The following TGFBR1 variants were observed in gnomAD, a reference collection of about 807,000 sequenced individuals.
TGFBR1 encodes the protein transforming growth factor beta receptor 1.
Under a neutral mutation model 55.1 loss-of-function variants are expected in TGFBR1, and 20 were observed. The observed-to-expected ratio is 0.36, with a 90% CI of 0.26 to 0.53. TGFBR1 has a LOEUF of 0.53. TGFBR1 is among the 20% of genes least tolerant of loss of function. The pLI, the probability that TGFBR1 is intolerant of heterozygous loss-of-function variation, is 0.91. For synonymous variants in TGFBR1, 220 were observed against 214.8 expected, an observed-to-expected ratio of 1.02 and a Z score of -0.21; for missense variants, 385 against 617.6, an observed-to-expected ratio of 0.62 and a Z score of 3.99.
At chr9:99,130,999 A>G (rs1456626340) in intron 2 of TGFBR1, among the ~76,000 whole-genome samples, 1 of 152,222 alleles carries the variant, frequency 6.6e-6, no homozygotes, top group African/African-American at 2.4e-5. Flanking sequence ...TGGTGAGCAT[A>G]TTAAGAGATA....
chr9:99,142,470 T>A lies in TGFBR1; in HGVS notation c.806-66T>A. On this transcript the variant is annotated intron_variant, in intron 4 of 8. Transcript: ENST00000374994. Reference sequence around the variant, plus strand: ...ACTCAGGATTGAGAGTAAAAAGTAATAACCATTGAACAAATAAATCATAAA... The same window carrying A: ...ACTCAGGATTGAGAGTAAAAAGTAAAAACCATTGAACAAATAAATCATAAA... 2.5e-6 allele frequency: 4 copies of A among 1,573,284 alleles called. No homozygotes were observed. In the South Asian group the frequency reaches 3.3e-5, roughly 13 times the overall value.
rs1344852995 is a variant in TGFBR1 at position 99,149,926 on chromosome 9, A to G, written c.*621A>G. 1 of 196,724 alleles carries G rather than the reference A, an allele frequency of 5.1e-6. No homozygotes were observed. Among genetic ancestry groups the G allele is most frequent in the East Asian group, 8.0e-5 (1 of 12,538 alleles). The allele number at this position is 196,724 out of a possible 1,614,324, so 12.2% of individuals were successfully genotyped here. On this transcript the variant is annotated 3_prime_UTR_variant, in exon 9 of 9. Coordinates refer to ENST00000374994, the MANE Select transcript of TGFBR1 (RefSeq NM_004612.4). ...CTTATTCAGAACATTACATGCCTTCAAAATGGGATTGTACTATACCAGTAA... is the reference window on the plus strand; with the variant it reads ...CTTATTCAGAACATTACATGCCTTCGAAATGGGATTGTACTATACCAGTAA...
At chr9:99,131,040 T>C (rs889721444) in intron 2 of TGFBR1, among the ~76,000 whole-genome samples, 1 of 152,162 alleles carries the variant, frequency 6.6e-6, no homozygotes, top group African/African-American at 2.4e-5. Flanking sequence ...TCCAATATGC[T>C]TATTATCAGA....
chr9:99,142,716 G>A lies in TGFBR1; in HGVS notation c.973+13G>A. ...GTTGGTACCCAAGGTAATTCTATAA[G>A]CAGTTCTATTATTTAAGCTTTAAAT... On this transcript the variant is annotated intron_variant, in intron 5 of 8. Coordinates refer to ENST00000374994, the MANE Select transcript of TGFBR1 (RefSeq NM_004612.4). The A allele has an allele frequency of 6.2e-7, 1 of 1,613,726 alleles. No homozygotes were observed. The highest frequency in any genetic ancestry group is 8.5e-7 in the Non-Finnish European group (1 of 1,179,668).
At chr9:99,142,732 A>C (rs202190860) in intron 5 of TGFBR1, 29 bp downstream of exon 5, 3 of 1,612,420 alleles carry the variant, frequency 1.9e-6, no homozygotes. Flanking sequence ...CTATTATTTA[A>C]GCTTTAAATT....
At position 99,146,882 on chromosome 9, in the gene TGFBR1, T is replaced by G. The variant is rs571433563; in HGVS notation, c.1255+273T>G. Reference sequence around the variant, plus strand: ...ACCCCTTGTTATATTGGAATATAGTTCTTTAGAATGGACAGCTGCTTGAGA... The same window carrying G: ...ACCCCTTGTTATATTGGAATATAGTGCTTTAGAATGGACAGCTGCTTGAGA... On this transcript the variant is annotated intron_variant, in intron 7 of 8. Coordinates refer to ENST00000374994, the MANE Select transcript of TGFBR1 (RefSeq NM_004612.4). 7.9e-5 allele frequency among the ~76,000 whole-genome samples: 12 copies of G among 152,328 alleles called. No homozygotes were observed. The South Asian group carries it at 1.0e-3, about 13-fold the overall frequency.
rs1827482041 is a variant in TGFBR1, at chr9:99,137,820, T to C, written c.575-39T>C. 3.3e-6 allele frequency: 5 copies of C among 1,527,350 alleles called. No individual in the cohort carries two copies. In the African/African-American group the frequency reaches 6.8e-5, roughly 21 times the overall value. The allele number at this position is 1,527,350 out of a possible 1,614,324, so 94.6% of individuals were successfully genotyped here. A position where few individuals can be genotyped will look rare whatever the true frequency, so the allele number is the denominator to read the frequency against. Reference sequence around the variant, plus strand: ...ATCATGATGTTTGAAACATGTAATATTGTTGATTGTGTTGAGTACTATTTA... The same window carrying C: ...ATCATGATGTTTGAAACATGTAATACTGTTGATTGTGTTGAGTACTATTTA... On this transcript the variant is annotated intron_variant, in intron 3 of 8. Transcript: ENST00000374994.
rs542813842 is a variant in TGFBR1 at position 99,140,189 on chromosome 9, G to A, written c.805+2100G>A. 3.3e-3 allele frequency among the ~76,000 whole-genome samples: 505 copies of A among 152,252 alleles called. 1 individual carries two copies. The highest frequency in any genetic ancestry group is 0.011 in the African/African-American group (471 of 41,540). On this transcript the variant is annotated intron_variant, in intron 4 of 8. Transcript: ENST00000374994. ...AAACAGGCCGGGCACAGTGGCTCAC[G>A]CCTGTAATCCCAGCACTTTGGGAAG...
chr9:99,111,061 G>C (rs1826553657), intron 1 of TGFBR1, among the ~76,000 whole-genome samples: 1 of 152,152 alleles, frequency 6.6e-6, no homozygotes, highest in Admixed American at 6.5e-5. Flanking sequence ...TGCAACTGCA[G>C]GCCATTCAGA....
intron 1 of TGFBR1, among the ~76,000 whole-genome samples, chr9:99,111,668 C>A (rs1320455344): frequency 6.6e-6 from 1 of 152,074 alleles, no homozygotes; most frequent in African/African-American, 2.4e-5. Flanking sequence ...ACAAACCATT[C>A]TTTAATCATT....
chr9:99,111,467 A>C (rs920199252), intron 1 of TGFBR1, among the ~76,000 whole-genome samples: 2 of 152,048 alleles, frequency 1.3e-5, no homozygotes, highest in Admixed American at 6.5e-5. Context: ...TCTCTACTAA[A>C]AATAACAAAA....
At chr9:99,118,649 T>G (rs12057076) in intron 1 of TGFBR1, among the ~76,000 whole-genome samples, 1 of 147,020 alleles carries the variant, frequency 6.8e-6, no homozygotes, top group Admixed American at 6.7e-5. Flanking sequence ...CTTTCTTTTT[T>G]TTTTTTTTTT....
In TGFBR1 at chr9:99,105,125, G is replaced by C. The variant is rs1241202507; in HGVS notation, c.-81G>C. ...GCGAGGCCGCCGCGGCGGCTAGGGA[G>C]GTGGGGCGAGGCGAGGTTTGCTGGG... is the stretch of plus-strand genomic sequence containing the variant. On this transcript the variant is annotated 5_prime_UTR_variant, in exon 1 of 9. Transcript: ENST00000374994. The C allele has an allele frequency of 1.9e-6, 2 of 1,033,556 alleles. No homozygotes were observed. The highest frequency in any genetic ancestry group is 5.5e-5 in the East Asian group (1 of 18,202). 64.0% of individuals were successfully genotyped at this position (1,033,556 alleles called of 1,614,324 possible).
At position 99,150,484 on chromosome 9, in the gene TGFBR1, A is replaced by G. The variant is rs193056376; in HGVS notation, c.*1179A>G. On this transcript the variant is annotated 3_prime_UTR_variant, in exon 9 of 9. Coordinates refer to ENST00000374994, the MANE Select transcript of TGFBR1 (RefSeq NM_004612.4). ...TTAAATAATAGGCCTTTTTCTAGGA[A>G]GGCGAAGGTAGTTAATAATTTGAAT... 1.4e-5 allele frequency: 3 copies of G among 214,006 alleles called. 1 individual carries two copies. The Admixed American group carries it at 1.7e-4, about 12-fold the overall frequency. 13.3% of individuals were successfully genotyped at this position (214,006 alleles called of 1,614,324 possible). A position where few individuals can be genotyped will look rare whatever the true frequency, so the allele number is the denominator to read the frequency against.
At chr9:99,137,586 G>A (rs1434489373) in intron 3 of TGFBR1, among the ~76,000 whole-genome samples, 10 of 152,040 alleles carry the variant, frequency 6.6e-5, no homozygotes, top group East Asian at 1.9e-4. Context: ...CCTAACCACC[G>A]TACTTAAGGG....
upstream of TGFBR1, among the ~76,000 whole-genome samples, chr9:99,104,363 T>A (rs932036084): frequency 1.4e-4 from 22 of 152,210 alleles, no homozygotes; most frequent in East Asian, 3.5e-3. Flanking sequence ...TGGATCCCCA[T>A]CCTGGATCTG....
At chr9:99,145,519 C>A (rs1288756253) in intron 6 of TGFBR1, among the ~76,000 whole-genome samples, 1 of 152,158 alleles carries the variant, frequency 6.6e-6, no homozygotes, top group East Asian at 1.9e-4. Flanking sequence ...TGAGAGCAGC[C>A]TTGTATTCCC....
chr9:99,121,925 A>G (rs1301629503), intron 1 of TGFBR1, among the ~76,000 whole-genome samples: 2 of 152,160 alleles, frequency 1.3e-5, no homozygotes, highest in African/African-American at 2.4e-5. Context: ...GAGCACAGGT[A>G]AAAGGCCAAG....
At position 99,150,496 on chromosome 9, in the gene TGFBR1, TTAA is replaced by T. The variant is rs1272308483; in HGVS notation, c.*1196_*1198del. 2.3e-5 allele frequency: 5 copies of T among 214,196 alleles called. No individual in the cohort carries two copies. The highest frequency in any genetic ancestry group is 4.7e-5 in the Non-Finnish European group (5 of 105,792). 13.3% of individuals were successfully genotyped at this position (214,196 alleles called of 1,614,324 possible). A position where few individuals can be genotyped will look rare whatever the true frequency, so the allele number is the denominator to read the frequency against. On this transcript the variant is annotated 3_prime_UTR_variant, in exon 9 of 9. Transcript: ENST00000374994. ...CCTTTTTCTAGGAAGGCGAAGGTAG[TTAA>T]TAATTTGAATAGATAACAGATGTGC...
Sources: gnomAD v4.1 joint callset for allele counts (sites outside exome capture counted in the v4.1 genomes callset) on GRCh38, gnomAD v4.1.1 for gene constraint, MANE v1.5 for transcripts, NCBI Gene and HGNC (gene_info 2026-07-23, HGNC 2026-07-21) for gene names.